The following PLAC1 variants were observed in gnomAD, a reference collection of about 807,000 sequenced individuals.
PLAC1 encodes placenta-specific protein 1.
For missense variants in PLAC1, 136 were observed against 163.2 expected (o/e 0.83, Z 0.91); for synonymous variants, 68 against 62.1 (o/e 1.09, Z -0.44).
chrX:134,586,015 C>T (rs1018146625), intron 2 of PLAC1, among the ~76,000 whole-genome samples: 2 of 112,159 alleles, frequency 1.8e-5, no homozygotes, highest in East Asian at 2.8e-4. Context: ...GAGAATGTAC[C>T]GCCAACAGGG....
chrX:134,762,431 C>T (rs2078771961), intron 1 of PLAC1, among the ~76,000 whole-genome samples: 1 of 111,996 alleles, frequency 8.9e-6, no homozygotes, highest in African/African-American at 3.2e-5. Context: ...TGTGATAATT[C>T]ATCAACCTGT....
intron 2 of PLAC1, among the ~76,000 whole-genome samples, chrX:134,697,114 T>C (rs780023906): frequency 6.3e-5 from 7 of 111,078 alleles, no homozygotes; most frequent in Non-Finnish European, 9.4e-5. Flanking sequence ...TTTCTCACAG[T>C]TGCTGTTGAC....
At chrX:134,712,238 T>C (rs2078630152) in intron 2 of PLAC1, among the ~76,000 whole-genome samples, 1 of 111,242 alleles carries the variant, frequency 9.0e-6, no homozygotes, top group South Asian at 3.8e-4. Context: ...AAGTAGACAC[T>C]CCTTCTCTGT....
At chrX:134,684,753 A>T (rs1321571580) in intron 2 of PLAC1, among the ~76,000 whole-genome samples, 2 of 112,140 alleles carry the variant, frequency 1.8e-5, no homozygotes, top group African/African-American at 6.5e-5. Context: ...TCCATGATTG[A>T]CATGACTGGT....
rs368844700 is a variant in PLAC1, at chrX:134,711,128, G to T, written n.174+22307C>A. ...GGTTTCCAAGGCAAAGCTTCAAAGG[G>T]CATCATTTTCCTCCTATGTACTAGT... On this transcript the variant is annotated intron_variant and non_coding_transcript_variant, in intron 2 of 2. Transcript: ENST00000466797. 2.0e-4 allele frequency among the ~76,000 whole-genome samples: 22 copies of T among 111,668 alleles called. No individual in the cohort carries two copies. The East Asian group carries it at 5.1e-3, about 26-fold the overall frequency.
chrX:134,709,985 G>A (rs143243462), intron 2 of PLAC1, among the ~76,000 whole-genome samples: 1,263 of 111,456 alleles, frequency 0.011, 21 homozygotes, highest in African/African-American at 0.038. Flanking sequence ...ACTGGTAAAT[G>A]TGACCACATT....
At chrX:134,591,823 T>C (rs746435895) in intron 2 of PLAC1, among the ~76,000 whole-genome samples, 3 of 112,370 alleles carry the variant, frequency 2.7e-5, no homozygotes, top group African/African-American at 9.7e-5. Flanking sequence ...TTGTCACTGT[T>C]TTTTTATTTC....
intron 2 of PLAC1, among the ~76,000 whole-genome samples, chrX:134,723,983 T>C (rs1463225365): frequency 5.7e-5 from 3 of 53,065 alleles, no homozygotes; most frequent in Non-Finnish European, 1.3e-4. Flanking sequence ...CTCAATCTAA[T>C]CATGAAAAAA....
At chrX:134,728,476 A>T (rs2078680158) in intron 2 of PLAC1, among the ~76,000 whole-genome samples, 1 of 112,365 alleles carries the variant, frequency 8.9e-6, no homozygotes, top group Non-Finnish European at 1.9e-5. Flanking sequence ...ACCAGAAGCC[A>T]GTGTGATGAC....
At chrX:134,735,793 G>A (rs1202458060) in intron 1 of PLAC1, among the ~76,000 whole-genome samples, 3 of 110,380 alleles carry the variant, frequency 2.7e-5, no homozygotes, top group Non-Finnish European at 5.7e-5. Context: ...TCTCTGGACA[G>A]GTGAGCTGAA....
intron 1 of PLAC1, among the ~76,000 whole-genome samples, chrX:134,738,899 A>G (rs962188997): frequency 1.8e-5 from 2 of 112,650 alleles, no homozygotes; most frequent in African/African-American, 6.5e-5. Context: ...ATGGTATTCA[A>G]CAGAATGGAA....
At chrX:134,667,985 G>A (rs750821642) in intron 2 of PLAC1, among the ~76,000 whole-genome samples, 1 of 110,588 alleles carries the variant, frequency 9.0e-6, no homozygotes, top group Non-Finnish European at 1.9e-5. Context: ...CCACTCCTAG[G>A]TACATACACA....
intron 1 of PLAC1, among the ~76,000 whole-genome samples, chrX:134,758,589 G>T (rs937326946): frequency 1.8e-5 from 2 of 111,889 alleles, no homozygotes; most frequent in Non-Finnish European, 3.8e-5. Context: ...AAAATGAATA[G>T]CCACATGCAG....
intron 1 of PLAC1, among the ~76,000 whole-genome samples, chrX:134,753,952 T>A (rs775962301): frequency 8.9e-6 from 1 of 112,153 alleles, no homozygotes; most frequent in South Asian, 3.7e-4. Flanking sequence ...AAATATTTCT[T>A]TAAAAAATAC....
chrX:134,705,616 T>C (rs1452112168), intron 2 of PLAC1, among the ~76,000 whole-genome samples: 2 of 111,123 alleles, frequency 1.8e-5, no homozygotes, highest in Non-Finnish European at 3.8e-5. Flanking sequence ...GCTAGGAGCG[T>C]GAGCAGTGTG....
chrX:134,704,307 A>G (rs1020750890), intron 2 of PLAC1, among the ~76,000 whole-genome samples: 1 of 108,195 alleles, frequency 9.2e-6, no homozygotes, highest in East Asian at 2.9e-4. Context: ...CAGACTGGCC[A>G]AAATGGTGAA....
intron 1 of PLAC1, among the ~76,000 whole-genome samples, chrX:134,755,856 C>CTTTTTTTTTTTTTTTTTTTTTT (rs776901556): frequency 6.6e-5 from 3 of 45,542 alleles, no homozygotes; most frequent in Non-Finnish European, 1.1e-4. Context: ...CCTTTTCTTT[C>CTTTTTTTTTTTTTTTTTTTTTT]TTTTTTTTTT....
At chrX:134,582,119 C>T (rs945552923) in intron 2 of PLAC1, among the ~76,000 whole-genome samples, 1 of 112,422 alleles carries the variant, frequency 8.9e-6, no homozygotes, top group Non-Finnish European at 1.9e-5. Context: ...GGAAGTGAGG[C>T]ATTCCTTATT....
chrX:134,643,040 T>A (rs766419364), intron 1 of PLAC1, among the ~76,000 whole-genome samples: 1 of 111,269 alleles, frequency 9.0e-6, no homozygotes, highest in Admixed American at 9.5e-5. Flanking sequence ...AAAATAAAAA[T>A]AAAAAAGACT....
Sources: gnomAD v4.1 joint callset for allele counts (sites outside exome capture counted in the v4.1 genomes callset) on GRCh38, gnomAD v4.1.1 for gene constraint, MANE v1.5 for transcripts, NCBI Gene and HGNC (gene_info 2026-07-23, HGNC 2026-07-21) for gene names.